PLS1: variants seen among roughly 807,000 people sequenced by gnomAD.
The protein encoded by PLS1 is plastin 1, also known as plastin-1.
Under a neutral mutation model 73.7 loss-of-function variants are expected in PLS1, and 32 were observed. The observed-to-expected ratio is 0.43, with a 90% confidence interval of 0.33 to 0.58. The LOEUF (loss-of-function observed/expected upper bound fraction) is 0.58, where lower values mean the gene tolerates loss of function less well. PLS1 is among the 20% of genes least tolerant of loss of function. The pLI is 0.04. For missense variants in PLS1, 633 were observed against 740.5 expected, an observed-to-expected ratio of 0.85 and a Z score of 1.68; for synonymous variants, 217 against 261.3, an observed-to-expected ratio of 0.83 and a Z score of 1.63.
intron 9 of PLS1, 42 bp from the exon 10 acceptor site, chr3:142,689,576 A>T (rs1228422541): frequency 8.0e-7 from 1 of 1,248,376 alleles, no homozygotes; most frequent in Non-Finnish European, 1.1e-6. Flanking sequence ...AAATTATGCC[A>T]ATTAAAACTT....
At chr3:142,617,646 A>C (rs1238010341) in intron 1 of PLS1, among the ~76,000 whole-genome samples, 1 of 152,188 alleles carries the variant, frequency 6.6e-6, no homozygotes, top group Non-Finnish European at 1.5e-5. Context: ...TCTGCATTCA[A>C]AATAAGATCC....
At chr3:142,639,518 C>T (rs1220000174) in intron 1 of PLS1, among the ~76,000 whole-genome samples, 10 of 152,182 alleles carry the variant, frequency 6.6e-5, no homozygotes, top group Non-Finnish European at 1.5e-4. Context: ...CCTACTTCTC[C>T]TTTGAATACT....
intron 1 of PLS1, chr3:142,623,443 T>C (rs543733876): frequency 2.7e-4 from 41 of 152,334 alleles, no homozygotes; most frequent in African/African-American, 9.6e-4. Flanking sequence ...TTGCTTCTTT[T>C]CTTTGGTCAA....
chr3:142,659,871 C>G (rs946797328), intron 1 of PLS1, among the ~76,000 whole-genome samples: 1 of 151,904 alleles, frequency 6.6e-6, no homozygotes, highest in Non-Finnish European at 1.5e-5. Flanking sequence ...TAATTTACTT[C>G]CACTTTAAGC....
At position 142,712,045 on chromosome 3, in the gene PLS1, T is replaced by C. The variant is rs1933155369; in HGVS notation, c.*38T>C. 1 of 1,576,738 alleles carries C rather than the reference T, an allele frequency of 6.3e-7. No homozygotes were observed. Among genetic ancestry groups the C allele is most frequent in the African/African-American group, 1.3e-5 (1 of 74,394 alleles). ...ATTTTCTGCCACATTAAACATATTG[T>C]ATGCCTCACAGTTTACAGGATTCTG... On this transcript the variant is annotated 3_prime_UTR_variant, in exon 16 of 16. Coordinates refer to ENST00000457734, the MANE Select transcript of PLS1 (RefSeq NM_001145319.2).
intron 1 of PLS1, among the ~76,000 whole-genome samples, chr3:142,661,358 C>A (rs1174223825): frequency 6.6e-6 from 1 of 152,016 alleles, no homozygotes; most frequent in Non-Finnish European, 1.5e-5. Context: ...TTTTAAAAAA[C>A]AATGTAGAAT....
chr3:142,607,863 T>C (rs1446525496), intron 1 of PLS1, among the ~76,000 whole-genome samples: 1 of 152,042 alleles, frequency 6.6e-6, no homozygotes, highest in Non-Finnish European at 1.5e-5. Flanking sequence ...TGCCTCTATG[T>C]TGGAATTTGT....
chr3:142,658,366 C>T (rs1055458904), intron 1 of PLS1, among the ~76,000 whole-genome samples: 2 of 151,800 alleles, frequency 1.3e-5, no homozygotes, highest in East Asian at 1.9e-4. Context: ...GTCCCAGCTA[C>T]TCGGGAGGCT....
Position 142,684,048 on chromosome 3 carries a change from T to C in PLS1, c.622T>C (p.Cys208Arg). ...TCTGAATTCTGCCTCAGCCATTGGT[T>C]GTACAGTGGTCAACATTGGTGCATC... ...LALNSASAIGCTVVNIGASDL... is the reference protein window; with the variant it reads ...LALNSASAIGRTVVNIGASDL... The change falls in exon 7 of 16, where the codon TGT becomes CGT. Residue 208 changes from cysteine (C) to arginine (R), a missense_variant. Transcript: ENST00000457734. 1 of 1,613,972 alleles carries C rather than the reference T, an allele frequency of 6.2e-7. No individual in the cohort carries two copies. Among genetic ancestry groups the C allele is most frequent in the Non-Finnish European group, 8.5e-7 (1 of 1,179,890 alleles).
intron 1 of PLS1, among the ~76,000 whole-genome samples, chr3:142,614,899 C>T (rs772858672): frequency 6.6e-6 from 1 of 151,796 alleles, no homozygotes; most frequent in Non-Finnish European, 1.5e-5. Context: ...GTGTTGAATG[C>T]TGTTGGGGAC....
At chr3:142,649,562 TG>T (rs1388817159) in intron 1 of PLS1, among the ~76,000 whole-genome samples, 5 of 151,508 alleles carry the variant, frequency 3.3e-5, no homozygotes. Context: ...TGCTTGAGCC[TG>T]GGAGATGGAG....
chr3:142,668,288 A>T (rs916960574), intron 2 of PLS1, among the ~76,000 whole-genome samples: 2 of 152,138 alleles, frequency 1.3e-5, no homozygotes, highest in African/African-American at 4.8e-5. Context: ...ACATGAAAAC[A>T]CCTGGAAACC....
In PLS1 at chr3:142,689,807, C is replaced by A; in HGVS notation, c.1171C>A (p.Leu391Met). The A allele has an allele frequency of 6.3e-7, 1 of 1,576,972 alleles. No homozygotes were observed. Among genetic ancestry groups the A allele is most frequent in the South Asian group, 1.2e-5 (1 of 86,026 alleles). ...PNNNDIDMNLLEGESKEERTF... is the reference protein window; with the variant it reads ...PNNNDIDMNLMEGESKEERTF... ...TAATAATGACATCGATATGAATTTACTGGAAGGTGCGTTCTTTCTGCCTTT... is the reference window on the plus strand; with the variant it reads ...TAATAATGACATCGATATGAATTTAATGGAAGGTGCGTTCTTTCTGCCTTT... The change falls in exon 10 of 16, where the codon CTG becomes ATG. Residue 391 changes from leucine (L) to methionine (M), a missense_variant. Coordinates refer to ENST00000457734, the MANE Select transcript of PLS1 (RefSeq NM_001145319.2).
intron 12 of PLS1, 23 bp from the exon 13 acceptor site, chr3:142,703,845 C>A (rs779110659): frequency 3.8e-6 from 6 of 1,564,216 alleles, no homozygotes; most frequent in African/African-American, 1.4e-5. Flanking sequence ...TCTTTTTATA[C>A]CCAAACTTTT....
chr3:142,631,008 C>A (rs1282140714), intron 1 of PLS1, among the ~76,000 whole-genome samples: 1 of 145,740 alleles, frequency 6.9e-6, no homozygotes, highest in African/African-American at 2.7e-5. Context: ...GACAAGGGTC[C>A]CAAGACTTAT....
At chr3:142,621,754 A>T (rs879522756) in intron 1 of PLS1, among the ~76,000 whole-genome samples, 10 of 152,200 alleles carry the variant, frequency 6.6e-5, no homozygotes, top group Admixed American at 2.0e-4. Context: ...ACCACACAGG[A>T]TCCATTTTTT....
intron 2 of PLS1, among the ~76,000 whole-genome samples, chr3:142,666,532 G>T (rs189046170): frequency 6.6e-6 from 1 of 152,014 alleles, no homozygotes; most frequent in Admixed American, 6.6e-5. Flanking sequence ...GCCACATTTT[G>T]CTTATCCATT....
chr3:142,638,166 C>T (rs374657795), intron 1 of PLS1, among the ~76,000 whole-genome samples: 87 of 152,256 alleles, frequency 5.7e-4, no homozygotes, highest in African/African-American at 1.9e-3. Context: ...CTGAAAGAGG[C>T]AATAAAATAG....
At chr3:142,709,690 G>A (rs1472593465) in intron 14 of PLS1, among the ~76,000 whole-genome samples, 5 of 151,850 alleles carry the variant, frequency 3.3e-5, no homozygotes, top group Admixed American at 1.3e-4. Flanking sequence ...GGTGGCCGGC[G>A]CCTGTAGTCC....
Sources: allele counts gnomAD v4.1 joint callset (sites outside exome capture counted in the v4.1 genomes callset), GRCh38; gene constraint gnomAD v4.1.1; transcripts MANE v1.5; gene names NCBI Gene and HGNC (gene_info 2026-07-23, HGNC 2026-07-21).